The following DIAPH3 variants were observed in gnomAD, a reference collection of about 807,000 sequenced individuals.
The protein encoded by DIAPH3 is protein diaphanous homolog 3.
DIAPH3 carries 117 observed loss-of-function variants against 144.3 expected under a neutral mutation model. The ratio of observed to expected loss-of-function variants is 0.81; its 90% CI spans 0.70 to 0.95. The LOEUF (loss-of-function observed/expected upper bound fraction) is 0.95, where lower values mean the gene tolerates loss of function less well. Among genes scored for constraint, DIAPH3 ranks in the 40% least tolerant of loss-of-function variants. The probability of loss-of-function intolerance (pLI) is 0.00; values close to 1 mark genes in which losing one functional copy is unlikely to be tolerated. For synonymous variants in DIAPH3, 519 were observed against 488.9 expected, an observed-to-expected ratio of 1.06 and a Z score of -0.81; for missense variants, 1,421 against 1,412.7, an observed-to-expected ratio of 1.01 and a Z score of -0.09.
rs2034045556 is a variant in DIAPH3, at chr13:59,700,472, C to T, written c.3320-33626G>A. Reference sequence around the variant, plus strand: ...TGGAGGATGTGGCAGAGAGAGAGAGCTCACCAAATATTCTACGTACTTTCT... The same window carrying T: ...TGGAGGATGTGGCAGAGAGAGAGAGTTCACCAAATATTCTACGTACTTTCT... On this transcript the variant is annotated intron_variant, in intron 27 of 27. Coordinates refer to ENST00000400324, the MANE Select transcript of DIAPH3 (RefSeq NM_001042517.2). Among the ~76,000 whole-genome samples, 3 of 152,248 alleles carry T rather than the reference C, an allele frequency of 2.0e-5. No individual in the cohort carries two copies. In the South Asian group the frequency reaches 6.2e-4, roughly 32 times the overall value.
At chr13:59,932,815 C>T (rs1386735212) in intron 17 of DIAPH3, among the ~76,000 whole-genome samples, 1 of 151,962 alleles carries the variant, frequency 6.6e-6, no homozygotes, top group Non-Finnish European at 1.5e-5. Flanking sequence ...AGCAGAACTG[C>T]CTAAGAGAGA....
intron 4 of DIAPH3, among the ~76,000 whole-genome samples, chr13:60,062,666 G>T (rs572787353): frequency 1.3e-5 from 2 of 152,176 alleles, no homozygotes; most frequent in African/African-American, 4.8e-5. Context: ...GATATTGCAG[G>T]ATCAGTTACA....
chr13:59,674,182 T>C (rs1411958743), intron 27 of DIAPH3, among the ~76,000 whole-genome samples: 1 of 152,238 alleles, frequency 6.6e-6, no homozygotes, highest in Admixed American at 6.5e-5. Context: ...AACATTATTA[T>C]GGCATAATAT....
At chr13:59,978,495 G>A (rs138092133) in intron 14 of DIAPH3, among the ~76,000 whole-genome samples, 83 of 151,368 alleles carry the variant, frequency 5.5e-4, no homozygotes, top group African/African-American at 1.7e-3. Context: ...GAATTATTTC[G>A]GGACTTAAGA....
At chr13:59,734,721 A>G (rs1402154542) in intron 27 of DIAPH3, among the ~76,000 whole-genome samples, 2 of 152,196 alleles carry the variant, frequency 1.3e-5, no homozygotes, top group Non-Finnish European at 2.9e-5. Context: ...ATTTGTCATA[A>G]ACCAATAGCA....
In DIAPH3 at chr13:59,992,153, T is replaced by C. The variant is rs1352582890; in HGVS notation, c.1159A>G (p.Ile387Val). The change falls in exon 11 of 28, where the codon ATC becomes GTC. Residue 387 changes from isoleucine to valine, a missense_variant. By Grantham distance (29) the Ile-to-Val change is conservative. Coordinates refer to ENST00000400324, the MANE Select transcript of DIAPH3 (RefSeq NM_001042517.2). ...TGCTCATCAAAGACTTTAAGTTGGA[T>C]ATCCAGGCCATCATTCTTAATGCAT... is the stretch of plus-strand genomic sequence containing the variant. Reference protein sequence around the residue: ...LKCIKNDGLDIQLKVFDEHKE... With the variant: ...LKCIKNDGLDVQLKVFDEHKE... The C allele has an allele frequency of 5.6e-6, 9 of 1,611,682 alleles. No homozygotes were observed. In the African/African-American group the frequency reaches 6.7e-5, roughly 12 times the overall value.
intron 5 of DIAPH3, among the ~76,000 whole-genome samples, chr13:60,037,280 G>A (rs556759401): frequency 1.5e-4 from 23 of 151,642 alleles, no homozygotes; most frequent in African/African-American, 5.3e-4. Context: ...TCTGGGGGGC[G>A]GGGACAAAAA....
At chr13:59,868,248 C>T (rs1003149843) in intron 21 of DIAPH3, among the ~76,000 whole-genome samples, 2 of 152,106 alleles carry the variant, frequency 1.3e-5, no homozygotes, top group Admixed American at 6.6e-5. Flanking sequence ...TTTTAGAGCA[C>T]GGATTTCTTA....
intron 9 of DIAPH3, among the ~76,000 whole-genome samples, chr13:59,999,562 C>G (rs904256305): frequency 1.3e-5 from 2 of 152,132 alleles, no homozygotes; most frequent in African/African-American, 4.8e-5. Flanking sequence ...AAAGCTATCA[C>G]AGCATTTGAA....
chr13:60,146,379 G>A (rs979560909), intron 1 of DIAPH3, among the ~76,000 whole-genome samples: 4 of 152,126 alleles, frequency 2.6e-5, no homozygotes, highest in African/African-American at 9.7e-5. Context: ...TCCCTTCTTG[G>A]TGATTCAAAA....
At chr13:60,027,293 T>C (rs559874169) in intron 5 of DIAPH3, among the ~76,000 whole-genome samples, 36 of 152,346 alleles carry the variant, frequency 2.4e-4, no homozygotes, top group African/African-American at 8.7e-4. Flanking sequence ...ATTCAGGAAC[T>C]ATTATAAATA....
chr13:60,131,452 A>C (rs1256073005), intron 2 of DIAPH3, among the ~76,000 whole-genome samples: 6 of 151,050 alleles, frequency 4.0e-5, no homozygotes, highest in African/African-American at 1.5e-4. Flanking sequence ...AAAAAAAAAA[A>C]AAAAAAAACA....
intron 21 of DIAPH3, among the ~76,000 whole-genome samples, chr13:59,862,915 C>T (rs1053030395): frequency 6.6e-5 from 10 of 152,106 alleles, no homozygotes; most frequent in African/African-American, 2.2e-4. Flanking sequence ...TGAAAGATAC[C>T]TATTGAAAAT....
intron 25 of DIAPH3, among the ~76,000 whole-genome samples, chr13:59,796,665 C>T (rs1193787726): frequency 6.6e-6 from 1 of 152,132 alleles, no homozygotes; most frequent in Non-Finnish European, 1.5e-5. Context: ...CTAAACATAT[C>T]TTTTACTGAT....
intron 22 of DIAPH3, among the ~76,000 whole-genome samples, chr13:59,853,748 C>T (rs1259804546): frequency 6.6e-6 from 1 of 152,106 alleles, no homozygotes; most frequent in Non-Finnish European, 1.5e-5. Context: ...TTAGTATTTT[C>T]ACACAATGAC....
At chr13:59,775,402 C>T (rs914877989) in intron 25 of DIAPH3, among the ~76,000 whole-genome samples, 2 of 152,078 alleles carry the variant, frequency 1.3e-5, no homozygotes, top group Admixed American at 1.3e-4. Context: ...GCCACCACGC[C>T]CGGCTAATTT....
At chr13:59,826,193 G>A (rs2041405698) in intron 24 of DIAPH3, among the ~76,000 whole-genome samples, 1 of 149,156 alleles carries the variant, frequency 6.7e-6, no homozygotes, top group South Asian at 2.2e-4. Flanking sequence ...CAATTAGGCA[G>A]GAGAAGGAAA....
chr13:60,130,214 T>C (rs1440359483), intron 2 of DIAPH3, among the ~76,000 whole-genome samples: 1 of 152,212 alleles, frequency 6.6e-6, no homozygotes, highest in Non-Finnish European at 1.5e-5. Flanking sequence ...AAGAATTTAC[T>C]CTTTGGTGTC....
At chr13:60,008,743 G>A in intron 8 of DIAPH3, 94 bp from the exon 9 acceptor site, 2 of 794,806 alleles carry the variant, frequency 2.5e-6, no homozygotes. Flanking sequence ...AATACCCTAA[G>A]CAGCCAATAT....
Sources: allele counts gnomAD v4.1 joint callset (sites outside exome capture counted in the v4.1 genomes callset), GRCh38; gene constraint gnomAD v4.1.1; transcripts MANE v1.5; gene names NCBI Gene and HGNC (gene_info 2026-07-23, HGNC 2026-07-21).